PADI1: variants seen among roughly 807,000 people sequenced by gnomAD.
PADI1 encodes the protein protein-arginine deiminase type-1.
In PADI1, 65 loss-of-function variants were observed where a neutral mutation model predicts 74.8. That is an observed-to-expected ratio of 0.87 (90% CI 0.71 to 1.07). PADI1 has a LOEUF of 1.07. Among genes scored for constraint, PADI1 ranks in the 50% least tolerant of loss-of-function variants. PADI1 has a pLI of 0.00. For missense variants in PADI1, 943 were observed against 854.0 expected (o/e 1.10, Z -1.30); for synonymous variants, 371 against 336.2 (o/e 1.10, Z -1.13).
At chr1:17,234,397 G>A (rs114016720) in intron 11 of PADI1, among the ~76,000 whole-genome samples, 2,020 of 152,292 alleles carry the variant, frequency 0.013, 22 homozygotes, top group Non-Finnish European at 0.021. Context: ...TAAAGAATTC[G>A]TGTCAACCAC....
chr1:17,236,810 G>T (rs1421318089), intron 11 of PADI1, among the ~76,000 whole-genome samples: 2 of 151,178 alleles, frequency 1.3e-5, no homozygotes, highest in African/African-American at 4.9e-5. Context: ...AAGGAAGGAA[G>T]AGGAAGAAAG....
chr1:17,228,890 G>T (rs981408283), intron 7 of PADI1, 58 bp from the exon 8 acceptor site: 5 of 1,582,528 alleles, frequency 3.2e-6, no homozygotes, highest in East Asian at 2.2e-5. Context: ...GGGCTGGGGG[G>T]GCTTGAGGCA....
In PADI1 at chr1:17,222,375, A is replaced by G. The variant is rs777501866; in HGVS notation, c.178A>G (p.Lys60Glu). Residue 60 changes from lysine (K) to glutamate (E), a missense_variant, in exon 2 of 16, where the codon AAA becomes GAA. Lys to Glu is a moderately conservative substitution (Grantham distance 56). Coordinates refer to ENST00000375471, the MANE Select transcript of PADI1 (RefSeq NM_013358.3). ...VFMVYNRTRV[K>E]EPIGKARWPL... is the part of the protein sequence containing the mutation. ...CATGGTCTACAACCGCACACGTGTG[A>G]AAGAGCCCATAGGCAAGGCCCGTTG... is the stretch of plus-strand genomic sequence containing the variant. 7 of 1,614,078 alleles carry G rather than the reference A, an allele frequency of 4.3e-6. No homozygotes were observed. In the South Asian group the frequency reaches 7.7e-5, roughly 18 times the overall value.
rs773496045 is a variant in PADI1, at chr1:17,229,004, G to C, written c.882G>C (p.Trp294Cys). ...CTGTGGGCTTCCGCATGGCCCCCTGGATCATGACGCCCAACACTCAGCCTC... is the reference window on the plus strand; with the variant it reads ...CTGTGGGCTTCCGCATGGCCCCCTGCATCATGACGCCCAACACTCAGCCTC... ...TDTVGFRMAP[W>C]IMTPNTQPPE... Residue 294 changes from tryptophan to cysteine, a missense_variant, in exon 8 of 16, where the codon TGG becomes TGC. Trp to Cys is a radical substitution (Grantham distance 215). Coordinates refer to ENST00000375471, the MANE Select transcript of PADI1 (RefSeq NM_013358.3). 5 of 1,593,924 alleles carry C rather than the reference G, an allele frequency of 3.1e-6. No individual in the cohort carries two copies. In the African/African-American group the frequency reaches 6.7e-5, roughly 21 times the overall value.
At chr1:17,225,095 C>T (rs902771699) in intron 4 of PADI1, among the ~76,000 whole-genome samples, 2 of 152,138 alleles carry the variant, frequency 1.3e-5, no homozygotes, top group African/African-American at 4.8e-5. Flanking sequence ...TGCAGAGTGG[C>T]ATCTACCCAG....
At position 17,244,752 on chromosome 1, in the gene PADI1, C is replaced by A; in HGVS notation, c.*509C>A. 1 of 336,430 alleles carries A rather than the reference C, an allele frequency of 3.0e-6. No individual in the cohort carries two copies. Among genetic ancestry groups the A allele is most frequent in the Non-Finnish European group, 5.8e-6 (1 of 171,362 alleles). 20.8% of individuals were successfully genotyped at this position (336,430 alleles called of 1,614,324 possible). A position where few individuals can be genotyped will look rare whatever the true frequency, so the allele number is the denominator to read the frequency against. ...CTAGGTTTCTTCTCCCAAAGGGGAC[C>A]CAAGGCTGTGACACTTACCTCCACC... On this transcript the variant is annotated 3_prime_UTR_variant, in exon 16 of 16. Coordinates refer to ENST00000375471, the MANE Select transcript of PADI1 (RefSeq NM_013358.3).
intron 13 of PADI1, 174 bp from the exon 14 acceptor site, chr1:17,239,530 G>A (rs1332785715): frequency 7.1e-6 from 4 of 565,666 alleles, no homozygotes; most frequent in Non-Finnish European, 1.3e-5. Context: ...GGTTTTCCTT[G>A]CAGCCATGGC....
intron 1 of PADI1, among the ~76,000 whole-genome samples, chr1:17,221,661 C>T (rs2072154415): frequency 1.3e-5 from 2 of 151,976 alleles, no homozygotes; most frequent in South Asian, 4.2e-4. Flanking sequence ...GAGGAGCAGT[C>T]CATGCAGCAG....
intron 1 of PADI1, among the ~76,000 whole-genome samples, chr1:17,218,796 T>C (rs1211394777): frequency 6.6e-6 from 1 of 152,142 alleles, no homozygotes; most frequent in Non-Finnish European, 1.5e-5. Flanking sequence ...AGTGATGCCC[T>C]TGAGTAGGGG....
chr1:17,235,272 A>AAGGAAGGAAGGG (rs2072609104), intron 11 of PADI1, among the ~76,000 whole-genome samples: 1 of 141,360 alleles, frequency 7.1e-6, no homozygotes, highest in Admixed American at 6.9e-5. Context: ...GGAAGGAAGG[A>AAGGAAGGAAGGG]AGGAAGGAAG....
intron 1 of PADI1, among the ~76,000 whole-genome samples, 198 bp from the exon 2 acceptor site, chr1:17,222,092 G>A (rs2072169163): frequency 6.6e-6 from 1 of 152,216 alleles, no homozygotes; most frequent in African/African-American, 2.4e-5. Context: ...TGTGGGCTGG[G>A]GGTGTCCAAG....
chr1:17,207,499 C>T (rs145971659), intron 1 of PADI1, among the ~76,000 whole-genome samples: 150 of 152,358 alleles, frequency 9.8e-4, no homozygotes, highest in Non-Finnish European at 1.5e-3. Context: ...AGACCCCTTG[C>T]GCCGTGGGTG....
At chr1:17,227,274 C>G (rs2072343467) in intron 6 of PADI1, among the ~76,000 whole-genome samples, 1 of 150,092 alleles carries the variant, frequency 6.7e-6, no homozygotes, top group Non-Finnish European at 1.5e-5. Context: ...TTGGCCGGGC[C>G]CAGTGGCTCA....
At position 17,232,933 on chromosome 1, in the gene PADI1, C is replaced by G. The variant is rs1019278724; in HGVS notation, c.1276C>G (p.Pro426Ala). ...PPVTVGGTEY[P>A]LGRILIGSSF... Reference sequence around the variant, plus strand: ...CGTCACGGTGGGCGGCACGGAATACCCCCTGGGCCGGATCCTCATCGGGAG... The same window carrying G: ...CGTCACGGTGGGCGGCACGGAATACGCCCTGGGCCGGATCCTCATCGGGAG... The change falls in exon 11 of 16, where the codon CCC becomes GCC. Residue 426 changes from proline (P) to alanine (A), a missense_variant. Pro to Ala is a conservative substitution (Grantham distance 27, BLOSUM62 -1). Transcript: ENST00000375471. 6.2e-7 allele frequency: 1 copy of G among 1,611,220 alleles called. No homozygotes were observed. The highest frequency in any genetic ancestry group is 1.7e-5 in the Admixed American group (1 of 59,798).
intron 1 of PADI1, among the ~76,000 whole-genome samples, chr1:17,213,446 C>A (rs560887774): frequency 6.6e-6 from 1 of 152,212 alleles, no homozygotes; most frequent in South Asian, 2.1e-4. Flanking sequence ...TCTTTGCAGT[C>A]GGCTTCACCC....
chr1:17,224,278 G>A (rs2072246806), intron 3 of PADI1, 89 bp from the exon 4 acceptor site: 1 of 1,074,386 alleles, frequency 9.3e-7, no homozygotes, highest in African/African-American at 1.6e-5. Context: ...CGGGCTTGGG[G>A]AGGGGTCAGA....
chr1:17,207,154 G>A (rs1408090753), intron 1 of PADI1, among the ~76,000 whole-genome samples: 5 of 152,194 alleles, frequency 3.3e-5, no homozygotes, highest in Non-Finnish European at 1.5e-5. Context: ...GCTCTACACT[G>A]TGCTGCTAAG....
chr1:17,236,151 T>C (rs1329426167), intron 11 of PADI1, among the ~76,000 whole-genome samples: 1 of 152,222 alleles, frequency 6.6e-6, no homozygotes, highest in Non-Finnish European at 1.5e-5. Flanking sequence ...TTTCTGACCT[T>C]AGCAATGGAC....
In PADI1 at chr1:17,220,233, G is replaced by A. The variant is rs150480408; in HGVS notation, c.93-2057G>A. ...GGGATTATAATCTTTGCTTTGGGGG[G>A]TTGTGATGAGCATTAGGGAGCGCCA... On this transcript the variant is annotated intron_variant, in intron 1 of 15. Transcript: ENST00000375471. 3.2e-3 allele frequency among the ~76,000 whole-genome samples: 483 copies of A among 152,172 alleles called. 4 individuals carry two copies. The highest frequency in any genetic ancestry group is 0.011 in the African/African-American group (450 of 41,518).
Sources: gnomAD v4.1 joint callset for allele counts (sites outside exome capture counted in the v4.1 genomes callset) on GRCh38, gnomAD v4.1.1 for gene constraint, MANE v1.5 for transcripts, NCBI Gene and HGNC (gene_info 2026-07-23, HGNC 2026-07-21) for gene names.